The following IKBKB variants were observed in gnomAD, a reference collection of about 807,000 sequenced individuals.
The protein encoded by IKBKB is inhibitor of nuclear factor kappa B kinase subunit beta, also known as inhibitor of nuclear factor kappa-B kinase subunit beta.
A neutral mutation model predicts 113.6 loss-of-function variants in IKBKB; 42 were observed. The ratio of observed to expected loss-of-function variants is 0.37; its 90% CI spans 0.29 to 0.48. IKBKB has a LOEUF of 0.48. IKBKB is among the 20% of genes least tolerant of loss of function. IKBKB has a pLI of 0.99. For missense variants in IKBKB, 673 were observed against 939.7 expected, an observed-to-expected ratio of 0.72 and a Z score of 3.71; for synonymous variants, 296 against 361.3, an observed-to-expected ratio of 0.82 and a Z score of 2.05.
At chr8:42,301,054 GC>G (rs1479160870) in intron 5 of IKBKB, among the ~76,000 whole-genome samples, 1 of 151,814 alleles carries the variant, frequency 6.6e-6, no homozygotes, top group Non-Finnish European at 1.5e-5. Context: ...ACAGGGTCTT[GC>G]TATATTGCCC....
chr8:42,297,980 C>CCAT (rs1273460772), intron 5 of IKBKB: 12 of 478,560 alleles, frequency 2.5e-5, no homozygotes, highest in Non-Finnish European at 3.3e-5. Context: ...TTCTGCCAGA[C>CCAT]CATCACTCCA....
chr8:42,310,013 A>G (rs1383636514), intron 8 of IKBKB, among the ~76,000 whole-genome samples: 2 of 152,246 alleles, frequency 1.3e-5, no homozygotes, highest in East Asian at 3.8e-4. Context: ...TAGCCATCCC[A>G]CAATGTGTAC....
Position 42,330,982 on chromosome 8 carries a change from T to G in IKBKB, c.*3T>G, listed in dbSNP as rs1363591904. On this transcript the variant is annotated 3_prime_UTR_variant, in exon 22 of 22. Coordinates refer to ENST00000520810, the MANE Select transcript of IKBKB (RefSeq NM_001556.3). ...GCTGCCTGGAGCAGGCCTCATGATG[T>G]GGGGGGACTCGACCCCCTGACATGG... 2 of 1,613,756 alleles carry G rather than the reference T, an allele frequency of 1.2e-6. No homozygotes were observed. Among genetic ancestry groups the G allele is most frequent in the African/African-American group, 1.3e-5 (1 of 74,926 alleles).
Position 42,299,242 on chromosome 8 carries a change from C to T in IKBKB, c.388+5730C>T, listed in dbSNP as rs1585658222. ...CTCACAGAGTCAGCCCCCGCTCCTGCTCATAGCCTTGCATTACGGAGGCTG... is the reference window on the plus strand; with the variant it reads ...CTCACAGAGTCAGCCCCCGCTCCTGTTCATAGCCTTGCATTACGGAGGCTG... On this transcript the variant is annotated intron_variant, in intron 5 of 21. Coordinates refer to ENST00000520810, the MANE Select transcript of IKBKB (RefSeq NM_001556.3). Among the ~76,000 whole-genome samples, 4 of 152,304 alleles carry T rather than the reference C, an allele frequency of 2.6e-5. No individual in the cohort carries two copies. In the East Asian group the frequency reaches 7.7e-4, roughly 29 times the overall value.
At chr8:42,286,161 A>C (rs1811376730) in intron 2 of IKBKB, among the ~76,000 whole-genome samples, 1 of 152,156 alleles carries the variant, frequency 6.6e-6, no homozygotes, top group Non-Finnish European at 1.5e-5. Context: ...GCTTTGATGA[A>C]AGCAGCTTCT....
chr8:42,318,668 G>A lies in IKBKB; in HGVS notation c.1357G>A (p.Ala453Thr). ...DCNRLQQGQRAAMMNLLRNNS... is the reference protein window; with the variant it reads ...DCNRLQQGQRTAMMNLLRNNS... ...CAACCGGCTGCAGCAGGGACAGCGA[G>A]CCGCCATGTAGCGTGCCAGGCTTTT... Residue 453 changes from alanine to threonine, a missense_variant, in exon 13 of 22, where the codon GCC (alanine) becomes ACC (threonine). Transcript: ENST00000520810. 7 of 1,612,668 alleles carry A rather than the reference G, an allele frequency of 4.3e-6. No homozygotes were observed. Among genetic ancestry groups the A allele is most frequent in the Non-Finnish European group, 5.9e-6 (7 of 1,179,024 alleles).
At chr8:42,313,029 T>C (rs948207611) in intron 8 of IKBKB, among the ~76,000 whole-genome samples, 1 of 152,226 alleles carries the variant, frequency 6.6e-6, no homozygotes, top group Admixed American at 6.5e-5. Context: ...CTAAAAATAA[T>C]GTCTGCCACA....
intron 5 of IKBKB, among the ~76,000 whole-genome samples, chr8:42,300,584 A>AGGGCTGTG (rs1283995088): frequency 1.3e-5 from 2 of 152,142 alleles, no homozygotes; most frequent in African/African-American, 4.8e-5. Context: ...AAAAATACAT[A>AGGGCTGTG]GGGCTGTGGG....
chr8:42,298,256 T>C (rs1814329265), intron 5 of IKBKB: 6 of 985,414 alleles, frequency 6.1e-6, no homozygotes, highest in Non-Finnish European at 7.2e-6. Flanking sequence ...CTGGGTCTTA[T>C]CAGATCTTAG....
intron 1 of IKBKB, 126 bp downstream of exon 1, chr8:42,271,595 A>G (rs1807742680): frequency 1.8e-6 from 1 of 551,120 alleles, no homozygotes; most frequent in Non-Finnish European, 3.2e-6. Flanking sequence ...GGAGCGTTTC[A>G]CTTGTGCGGG....
chr8:42,305,301 A>G (rs755908024), intron 6 of IKBKB, 26 bp downstream of exon 6: 9 of 1,502,316 alleles, frequency 6.0e-6, no homozygotes, highest in African/African-American at 1.4e-5. Context: ...GGACTGGGAA[A>G]GCCTCAGGTG....
chr8:42,306,945 A>G (rs1345936252), intron 7 of IKBKB, among the ~76,000 whole-genome samples: 1 of 152,192 alleles, frequency 6.6e-6, no homozygotes, highest in Non-Finnish European at 1.5e-5. Flanking sequence ...AAGCATATTG[A>G]TGGAGTGTAG....
intron 1 of IKBKB, 38 bp from the exon 2 acceptor site, chr8:42,272,045 A>T: frequency 4.5e-6 from 7 of 1,568,196 alleles, no homozygotes; most frequent in Admixed American, 3.8e-5. Flanking sequence ...TTTTTTTCTT[A>T]ATCCTAACCT....
At chr8:42,330,283 A>T in intron 21 of IKBKB, 2 of 984,536 alleles carry the variant, frequency 2.0e-6, no homozygotes, top group Non-Finnish European at 2.4e-6. Context: ...TATGTAACTT[A>T]GCTTAAGAGT....
In IKBKB at chr8:42,272,850, G is replaced by T. The variant is rs576839832; in HGVS notation, c.105+645G>T. On this transcript the variant is annotated intron_variant, in intron 2 of 21. Coordinates refer to ENST00000520810, the MANE Select transcript of IKBKB (RefSeq NM_001556.3). ...AGCTACTTGGGAGGCTGAGGCAGGA[G>T]AATCGCTTGAACCCATGAGGCGGAG... is the stretch of plus-strand genomic sequence containing the variant. 2.0e-3 allele frequency among the ~76,000 whole-genome samples: 292 copies of T among 146,590 alleles called. 3 individuals are homozygous for T. The Middle Eastern group carries it at 0.026, about 13-fold the overall frequency.
In IKBKB at chr8:42,308,550, G is replaced by A. The variant is rs189340680; in HGVS notation, c.568-351G>A. ...TGACCTCAAGTAATGCGCCTACCTC[G>A]GCCTCCCAAAGTGCTGGGATTACAC... is the stretch of plus-strand genomic sequence containing the variant. On this transcript the variant is annotated intron_variant, in intron 7 of 21. Transcript: ENST00000520810. 4.6e-5 allele frequency among the ~76,000 whole-genome samples: 7 copies of A among 152,124 alleles called. 1 individual carries two copies. The highest frequency in any genetic ancestry group is 5.9e-5 in the Non-Finnish European group (4 of 67,992).
At chr8:42,317,125 C>T (rs758787058) in intron 11 of IKBKB, 3 of 613,016 alleles carry the variant, frequency 4.9e-6, no homozygotes, top group Non-Finnish European at 8.9e-6. Context: ...CCCTCCAAGA[C>T]CGGTCTCTTG....
Position 42,321,980 on chromosome 8 carries a change from C to A in IKBKB, c.1738+35C>A, listed in dbSNP as rs41305523. On this transcript the variant is annotated intron_variant, in intron 17 of 21. Transcript: ENST00000520810. ...GTTCTGTGTCTGCCTTGGGCTTCTC[C>A]TTATCTCATTTATGGGGCATCACTA... The A allele has an allele frequency of 7.9e-3, 12,659 of 1,611,054 alleles. 85 individuals carry two copies. Among genetic ancestry groups the A allele is most frequent in the Non-Finnish European group, 0.01 (11,886 of 1,177,340 alleles).
chr8:42,303,088 A>T (rs1302847106), intron 5 of IKBKB, among the ~76,000 whole-genome samples: 4 of 129,760 alleles, frequency 3.1e-5, no homozygotes, highest in African/African-American at 1.1e-4. Context: ...AGAGAGAGAG[A>T]GAATGAGAGA....
Sources: allele counts gnomAD v4.1 joint callset (sites outside exome capture counted in the v4.1 genomes callset), GRCh38; gene constraint gnomAD v4.1.1; transcripts MANE v1.5; gene names NCBI Gene and HGNC (gene_info 2026-07-23, HGNC 2026-07-21).